The following CDKAL1 variants were observed in gnomAD, a reference collection of about 807,000 sequenced individuals.
CDKAL1 encodes CDKAL1 threonylcarbamoyladenosine tRNA methylthiotransferase.
CDKAL1 carries 32 observed loss-of-function variants against 68.2 expected under a neutral mutation model. That is an observed-to-expected ratio of 0.47 (90% confidence interval 0.35 to 0.63). The LOEUF is 0.63. Among genes scored for constraint, CDKAL1 ranks in the 30% least tolerant of loss-of-function variants. The probability of loss-of-function intolerance (pLI) is 0.00; values close to 1 mark genes in which losing one functional copy is unlikely to be tolerated. For missense variants in CDKAL1, 606 were observed against 696.7 expected, an observed-to-expected ratio of 0.87 and a Z score of 1.47; for synonymous variants, 234 against 244.3, an observed-to-expected ratio of 0.96 and a Z score of 0.39.
chr6:20,737,653 T>C (rs77855262), intron 5 of CDKAL1, among the ~76,000 whole-genome samples: 2 of 152,220 alleles, frequency 1.3e-5, no homozygotes, highest in East Asian at 3.8e-4. Flanking sequence ...AGAAAAGTAT[T>C]TATATGCAAT....
chr6:21,106,651 T>C lies in CDKAL1; in HGVS notation c.1237-1750T>C, dbSNP rs181127176. The stretch of plus-strand genomic sequence containing the variant: ...GTGTAACAACTATTTACATAGTATT[T>C]ATATTGTATTAGATATTCTAAGCAA... On this transcript the variant is annotated intron_variant, in intron 12 of 15. Coordinates refer to ENST00000274695, the MANE Select transcript of CDKAL1 (RefSeq NM_017774.3). Among the ~76,000 whole-genome samples the C allele has an allele frequency of 9.4e-3, 1,430 of 152,336 alleles. 9 individuals carry two copies. The highest frequency in any genetic ancestry group is 0.013 in the Non-Finnish European group (896 of 68,034).
chr6:20,842,965 G>A (rs897420232), intron 8 of CDKAL1, among the ~76,000 whole-genome samples: 1 of 152,118 alleles, frequency 6.6e-6, no homozygotes, highest in Non-Finnish European at 1.5e-5. Context: ...CATTATAAAT[G>A]TTTCAGAATA....
At chr6:20,898,320 C>G in intron 9 of CDKAL1, among the ~76,000 whole-genome samples, 1 of 150,710 alleles carries the variant, frequency 6.6e-6, no homozygotes. Flanking sequence ...CATTCACGTC[C>G]CTCACCTCCA....
intron 10 of CDKAL1, among the ~76,000 whole-genome samples, chr6:20,984,875 G>A (rs1235778151): frequency 1.3e-5 from 2 of 151,984 alleles, no homozygotes; most frequent in Non-Finnish European, 2.9e-5. Flanking sequence ...GGAAAACAGG[G>A]ATGTAAGTTC....
chr6:20,945,121 A>G (rs966481763), intron 9 of CDKAL1, among the ~76,000 whole-genome samples: 2 of 151,902 alleles, frequency 1.3e-5, no homozygotes, highest in Non-Finnish European at 2.9e-5. Flanking sequence ...GAATGTAACT[A>G]TCTTCTCATC....
rs146709408 is a variant in CDKAL1, at chr6:20,997,459, C to G, written c.910-2768C>G. On this transcript the variant is annotated intron_variant, in intron 10 of 15. Coordinates refer to ENST00000274695, the MANE Select transcript of CDKAL1 (RefSeq NM_017774.3). ...AGTGTATTTTTATTTTGTGTTCTAG[C>G]AGTATAAAGTTGCAAGGCCTGTAGT... Among the ~76,000 whole-genome samples, 783 of 135,076 alleles carry G rather than the reference C, an allele frequency of 5.8e-3. 8 individuals carry two copies. Among genetic ancestry groups the G allele is most frequent in the African/African-American group, 0.021 (743 of 35,356 alleles). The allele number at this position is 135,076 out of a possible 152,430, so 88.6% of individuals were successfully genotyped here.
chr6:20,676,342 G>A (rs1581365223), intron 5 of CDKAL1, among the ~76,000 whole-genome samples: 1 of 152,160 alleles, frequency 6.6e-6, no homozygotes, highest in African/African-American at 2.4e-5. Context: ...TGCAAACTCC[G>A]TTCTTGGTAA....
At chr6:20,944,824 T>C (rs1764157115) in intron 9 of CDKAL1, among the ~76,000 whole-genome samples, 1 of 152,224 alleles carries the variant, frequency 6.6e-6, no homozygotes, top group South Asian at 2.1e-4. Context: ...TAAAATTACC[T>C]TTTGTTGACA....
intron 8 of CDKAL1, among the ~76,000 whole-genome samples, chr6:20,822,077 G>A (rs1221938348): frequency 6.6e-6 from 1 of 152,138 alleles, no homozygotes; most frequent in Non-Finnish European, 1.5e-5. Flanking sequence ...AACAGAGTTA[G>A]GTAGTTGTAA....
intron 9 of CDKAL1, among the ~76,000 whole-genome samples, chr6:20,896,298 C>T (rs1761690802): frequency 6.6e-6 from 1 of 152,020 alleles, no homozygotes. Flanking sequence ...CGGGGTTTCA[C>T]CGTGTTGGCC....
At chr6:20,805,196 G>T (rs1488230958) in intron 8 of CDKAL1, among the ~76,000 whole-genome samples, 1 of 152,180 alleles carries the variant, frequency 6.6e-6, no homozygotes, top group East Asian at 1.9e-4. Context: ...GATTCCTCCA[G>T]ATTTTACCTG....
chr6:20,545,692 A>G (rs1763572247), intron 2 of CDKAL1, among the ~76,000 whole-genome samples: 1 of 152,112 alleles, frequency 6.6e-6, no homozygotes, highest in East Asian at 1.9e-4. Flanking sequence ...CACCTCCCCA[A>G]AGTGCTGGGA....
intron 11 of CDKAL1, among the ~76,000 whole-genome samples, chr6:21,050,459 G>A (rs866088142): frequency 3.9e-5 from 6 of 152,170 alleles, no homozygotes; most frequent in South Asian, 2.1e-4. Flanking sequence ...TGAGGAAGGC[G>A]GAGAGAAGTT....
chr6:20,619,304 A>G (rs1347406514), intron 4 of CDKAL1, among the ~76,000 whole-genome samples: 2 of 152,242 alleles, frequency 1.3e-5, no homozygotes, highest in Non-Finnish European at 2.9e-5. Flanking sequence ...CAGGAGAACC[A>G]TTGTACAACA....
chr6:20,784,595 T>C (rs1775590118), intron 8 of CDKAL1, among the ~76,000 whole-genome samples: 1 of 151,592 alleles, frequency 6.6e-6, no homozygotes, highest in South Asian at 2.1e-4. Context: ...CAGCTAGCTT[T>C]TGTATTTTTA....
chr6:21,043,183 C>T (rs1373480203), intron 11 of CDKAL1, among the ~76,000 whole-genome samples: 1 of 152,178 alleles, frequency 6.6e-6, no homozygotes, highest in Non-Finnish European at 1.5e-5. Flanking sequence ...GTCTTTAGCA[C>T]ATAGCACAGT....
At chr6:20,754,197 G>A (rs937948809) in intron 6 of CDKAL1, among the ~76,000 whole-genome samples, 6 of 152,042 alleles carry the variant, frequency 3.9e-5, no homozygotes, top group African/African-American at 1.5e-4. Flanking sequence ...GCCCAAGCTG[G>A]GCTCAAACTC....
chr6:20,763,653 T>C (rs1158051041), intron 7 of CDKAL1, among the ~76,000 whole-genome samples: 2 of 152,202 alleles, frequency 1.3e-5, no homozygotes, highest in African/African-American at 4.8e-5. Flanking sequence ...TGTCACAGCC[T>C]GTTTGCATTC....
At chr6:20,647,390 T>C (rs1344195703) in intron 4 of CDKAL1, among the ~76,000 whole-genome samples, 1 of 152,172 alleles carries the variant, frequency 6.6e-6, no homozygotes, top group Non-Finnish European at 1.5e-5. Flanking sequence ...GTCCCACACA[T>C]TGCCCCTCTG....
Sources: allele counts gnomAD v4.1 joint callset (sites outside exome capture counted in the v4.1 genomes callset), GRCh38; gene constraint gnomAD v4.1.1; transcripts MANE v1.5; gene names NCBI Gene and HGNC (gene_info 2026-07-23, HGNC 2026-07-21).